The following NFATC1 variants were observed in gnomAD, a reference collection of about 807,000 sequenced individuals.
The protein encoded by NFATC1 is nuclear factor of activated T cells 1.
Under a neutral mutation model 76.0 loss-of-function variants are expected in NFATC1, and 22 were observed. The observed-to-expected ratio is 0.29, with a 90% CI of 0.21 to 0.41. The LOEUF (loss-of-function observed/expected upper bound fraction) is 0.41. NFATC1 is among the 10% of genes least tolerant of loss of function. The probability of loss-of-function intolerance (pLI) is 1.00; values close to 1 mark genes in which losing one functional copy is unlikely to be tolerated. For synonymous variants in NFATC1, 704 were observed against 613.1 expected (o/e 1.15, Z -2.19); for missense variants, 1,357 against 1,337.7 (o/e 1.01, Z -0.23).
chr18:79,428,073 C>T (rs1283278630), intron 2 of NFATC1, among the ~76,000 whole-genome samples: 10 of 43,760 alleles, frequency 2.3e-4, no homozygotes, highest in Admixed American at 1.7e-3. Context: ...TGCAGTGGGT[C>T]GGGGGGCCTG....
At chr18:79,469,142 CAA>C (rs2088670555) in intron 8 of NFATC1, 1 of 265,772 alleles carries the variant, frequency 3.8e-6, no homozygotes, top group Non-Finnish European at 5.8e-6. Context: ...ATTCTTGGAA[CAA>C]AGTACAATAT....
chr18:79,512,534 C>T (rs2090280985), intron 9 of NFATC1, among the ~76,000 whole-genome samples: 1 of 152,226 alleles, frequency 6.6e-6, no homozygotes. Flanking sequence ...AGAGCCTTGG[C>T]AGTTGTGCGG....
At chr18:79,458,268 C>T (rs2087846258) in intron 6 of NFATC1, among the ~76,000 whole-genome samples, 1 of 152,166 alleles carries the variant, frequency 6.6e-6, no homozygotes, top group South Asian at 2.1e-4. Flanking sequence ...CGCTTCTGGG[C>T]ATGAGGATGC....
At chr18:79,461,159 C>T (rs1431570532) in intron 6 of NFATC1, 152 bp from the exon 7 acceptor site, 20 of 800,750 alleles carry the variant, frequency 2.5e-5, no homozygotes, top group South Asian at 2.0e-4. Context: ...GAGGTGCTGC[C>T]CTCGACAAAG....
chr18:79,471,603 T>C (rs1159828241), intron 8 of NFATC1, among the ~76,000 whole-genome samples: 3 of 152,194 alleles, frequency 2.0e-5, no homozygotes, highest in African/African-American at 7.2e-5. Context: ...CTCCCGGCCC[T>C]AGGTCCCTGT....
intron 2 of NFATC1, among the ~76,000 whole-genome samples, chr18:79,426,852 C>T (rs2086355598): frequency 6.6e-6 from 1 of 152,230 alleles, no homozygotes; most frequent in South Asian, 2.1e-4. Context: ...TGCCCTGGCC[C>T]CAGGCCCCAG....
chr18:79,523,497 T>G (rs2090669066), intron 9 of NFATC1, among the ~76,000 whole-genome samples: 1 of 152,292 alleles, frequency 6.6e-6, no homozygotes, highest in Non-Finnish European at 1.5e-5. Flanking sequence ...GCGTCTCGCC[T>G]ACGGCTTGTT....
At chr18:79,426,491 G>A (rs867170876) in intron 2 of NFATC1, among the ~76,000 whole-genome samples, 5 of 152,230 alleles carry the variant, frequency 3.3e-5, no homozygotes, top group Non-Finnish European at 5.9e-5. Flanking sequence ...CCACACTGCT[G>A]TGGGACCCGT....
intron 2 of NFATC1, among the ~76,000 whole-genome samples, chr18:79,415,788 G>A (rs1247895648): frequency 1.3e-5 from 2 of 151,994 alleles, no homozygotes; most frequent in African/African-American, 2.4e-5. Context: ...TTGGCCAGGC[G>A]CAGTGGCTCA....
intron 2 of NFATC1, among the ~76,000 whole-genome samples, chr18:79,420,143 G>A (rs569483936): frequency 2.9e-4 from 44 of 152,326 alleles, no homozygotes; most frequent in African/African-American, 1.0e-3. Context: ...TGCGACAGAT[G>A]TGTTTCCAGG....
At chr18:79,404,841 G>A (rs368809713) in intron 1 of NFATC1, among the ~76,000 whole-genome samples, 1 of 152,240 alleles carries the variant, frequency 6.6e-6, no homozygotes, top group East Asian at 1.9e-4. Context: ...GGCTCAGCAC[G>A]GCGGGGTCTG....
chr18:79,411,134 C>T lies in NFATC1; in HGVS notation c.859C>T (p.Pro287Ser). ...ACCCCACCACTCGCCCACGCCGTCCCCGCACGGCTCCCCGCGGGTCAGCGT... is the reference window on the plus strand; with the variant it reads ...ACCCCACCACTCGCCCACGCCGTCCTCGCACGGCTCCCCGCGGGTCAGCGT... ...YSPHHSPTPS[P>S]HGSPRVSVTD... is the part of the protein sequence containing the mutation. Residue 287 changes from proline to serine, a missense_variant, in exon 2 of 10, where the codon CCG becomes TCG. Transcript: ENST00000427363. 1 of 1,612,354 alleles carries T rather than the reference C, an allele frequency of 6.2e-7. No homozygotes were observed. The highest frequency in any genetic ancestry group is 2.2e-5 in the East Asian group (1 of 44,848).
intron 6 of NFATC1, among the ~76,000 whole-genome samples, chr18:79,455,406 G>A (rs1398417095): frequency 6.6e-6 from 1 of 152,150 alleles, no homozygotes; most frequent in Non-Finnish European, 1.5e-5. Context: ...CAGGTAATCA[G>A]GGCCCCTCTA....
chr18:79,517,856 C>A (rs1360039141), intron 9 of NFATC1, among the ~76,000 whole-genome samples: 1 of 152,134 alleles, frequency 6.6e-6, no homozygotes, highest in Non-Finnish European at 1.5e-5. Context: ...CCTATATGAA[C>A]AAATATGCTT....
chr18:79,452,111 G>A (rs1257674561), intron 6 of NFATC1: 1 of 280,112 alleles, frequency 3.6e-6, no homozygotes, highest in Non-Finnish European at 6.7e-6. Flanking sequence ...GGACGCAGAG[G>A]AGGGCAAGAC....
intron 1 of NFATC1, among the ~76,000 whole-genome samples, chr18:79,406,043 G>C (rs768009272): frequency 1.3e-5 from 2 of 152,172 alleles, no homozygotes; most frequent in Non-Finnish European, 2.9e-5. Flanking sequence ...AGAACCTTCC[G>C]GTGATCTGGC....
chr18:79,511,530 G>T (rs897433280), intron 9 of NFATC1, among the ~76,000 whole-genome samples: 1 of 152,220 alleles, frequency 6.6e-6, no homozygotes, highest in African/African-American at 2.4e-5. Flanking sequence ...CCAGGGCCAT[G>T]GCACAGTGGC....
chr18:79,515,517 C>T (rs371076266), intron 9 of NFATC1, among the ~76,000 whole-genome samples: 10 of 151,816 alleles, frequency 6.6e-5, no homozygotes, highest in East Asian at 1.9e-4. Flanking sequence ...GCAGCCTGGC[C>T]GGGGACCAGG....
chr18:79,486,038 A>T (rs545972710), intron 8 of NFATC1, among the ~76,000 whole-genome samples: 12 of 152,190 alleles, frequency 7.9e-5, no homozygotes, highest in African/African-American at 2.9e-4. Flanking sequence ...TTCCAAGGAA[A>T]ACAGTCCTCG....
Sources: allele counts gnomAD v4.1 joint callset (sites outside exome capture counted in the v4.1 genomes callset), GRCh38; gene constraint gnomAD v4.1.1; transcripts MANE v1.5; gene names NCBI Gene and HGNC (gene_info 2026-07-23, HGNC 2026-07-21).